Variants in RNF19A observed in about 807,000 individuals in gnomAD.
The protein encoded by RNF19A is E3 ubiquitin-protein ligase RNF19A.
A neutral mutation model predicts 75.7 loss-of-function variants in RNF19A; 32 were observed. The observed-to-expected ratio is 0.42, with a 90% CI of 0.32 to 0.57. RNF19A has a LOEUF of 0.57. Ranked by LOEUF, RNF19A falls within the 20% of genes least tolerant of loss-of-function variation. The pLI is 0.10. For synonymous variants in RNF19A, 335 were observed against 345.2 expected (o/e 0.97, Z 0.33); for missense variants, 782 against 1,036.3 (o/e 0.75, Z 3.37).
At chr8:100,266,052 T>C (rs891124814) in intron 5 of RNF19A, among the ~76,000 whole-genome samples, 2 of 152,260 alleles carry the variant, frequency 1.3e-5, no homozygotes, top group African/African-American at 4.8e-5. Context: ...AGGAGTCTTC[T>C]AGAAAATTTT....
chr8:100,281,317 A>T (rs1328703287), intron 2 of RNF19A, among the ~76,000 whole-genome samples: 1 of 152,176 alleles, frequency 6.6e-6, no homozygotes, highest in African/African-American at 2.4e-5. Context: ...AATGCCAAGT[A>T]AAATTAAAGT....
In RNF19A at chr8:100,269,442, C is replaced by T. The variant is rs1336111446; in HGVS notation, c.1028+427G>A. On this transcript the variant is annotated intron_variant, in intron 4 of 9. Coordinates refer to ENST00000341084, the MANE Select transcript of RNF19A (RefSeq NM_183419.4). The surrounding 1 kb of genome is among the most constrained non-coding windows in gnomAD (Gnocchi z 5.7). ...ACTGAGATTCAGGTTAAAAATTTAT[C>T]CCTAGTCCTCCATTATCCTCAAACC... Among the ~76,000 whole-genome samples, 1 of 151,546 alleles carries T rather than the reference C, an allele frequency of 6.6e-6. No homozygotes were observed. Among genetic ancestry groups the T allele is most frequent in the Non-Finnish European group, 1.5e-5 (1 of 67,870 alleles).
chr8:100,310,561 G>A, upstream of RNF19A, among the ~76,000 whole-genome samples: 1 of 152,230 alleles, frequency 6.6e-6, no homozygotes, highest in Non-Finnish European at 1.5e-5. Flanking sequence ...AGATTGGCAG[G>A]CCGAGGGAGA....
At chr8:100,328,460 T>A (rs1822568129) in intron 1 of RNF19A, among the ~76,000 whole-genome samples, 2 of 152,012 alleles carry the variant, frequency 1.3e-5, no homozygotes, top group Non-Finnish European at 2.9e-5. Flanking sequence ...ATTAATGTTT[T>A]TGTTTTTTGT....
intron 1 of RNF19A, among the ~76,000 whole-genome samples, chr8:100,316,085 C>T (rs1822369764): frequency 6.6e-6 from 1 of 152,048 alleles, no homozygotes; most frequent in Non-Finnish European, 1.5e-5. Context: ...TTCGGAGTTT[C>T]TTCTTTCTGG....
chr8:100,265,637 A>T (rs2132510761), intron 5 of RNF19A, among the ~76,000 whole-genome samples: 1 of 152,304 alleles, frequency 6.6e-6, no homozygotes, highest in Non-Finnish European at 1.5e-5. Context: ...ATGACTTATA[A>T]ACAATACTAC....
At chr8:100,299,072 C>T (rs1463904280) in intron 1 of RNF19A, among the ~76,000 whole-genome samples, 1 of 152,174 alleles carries the variant, frequency 6.6e-6, no homozygotes, top group South Asian at 2.1e-4. Flanking sequence ...GGAAAACAGA[C>T]ACATTTTGCT....
intron 2 of RNF19A, among the ~76,000 whole-genome samples, chr8:100,277,782 A>C (rs1220494911): frequency 7.0e-6 from 1 of 142,620 alleles, no homozygotes; most frequent in Non-Finnish European, 1.5e-5. Flanking sequence ...TAAAGAAAAA[A>C]GACCCTATTT....
Position 100,294,675 on chromosome 8 carries a change from T to G in RNF19A, c.-93-6408A>C, listed in dbSNP as rs571766268. Among the ~76,000 whole-genome samples the G allele has an allele frequency of 7.9e-5, 12 of 152,230 alleles. No individual in the cohort carries two copies. The South Asian group carries it at 2.3e-3, about 29-fold the overall frequency. The stretch of plus-strand genomic sequence containing the variant: ...ATAGACTTTTCTTTAGGGGGAAAGA[T>G]GTATAAATTTTTTAAGGAAAACATC... On this transcript the variant is annotated intron_variant, in intron 1 of 9. Transcript: ENST00000341084.
chr8:100,326,911 T>C (rs1563876370), intron 1 of RNF19A, among the ~76,000 whole-genome samples: 1 of 152,236 alleles, frequency 6.6e-6, no homozygotes, highest in East Asian at 1.9e-4. Context: ...TATACTTCTT[T>C]TCCTTTTGAA....
At chr8:100,304,497 C>G (rs368674411) in intron 1 of RNF19A, among the ~76,000 whole-genome samples, 1 of 152,198 alleles carries the variant, frequency 6.6e-6, no homozygotes, top group African/African-American at 2.4e-5. Context: ...TTCCCACCCC[C>G]ACTTACGCAC....
upstream of RNF19A, among the ~76,000 whole-genome samples, chr8:100,312,760 T>TA (rs889278188): frequency 6.6e-6 from 1 of 151,676 alleles, no homozygotes; most frequent in African/African-American, 2.4e-5. Context: ...CTCATCTCTA[T>TA]AAAAAATACA....
At chr8:100,328,729 C>T (rs565321520) in intron 1 of RNF19A, among the ~76,000 whole-genome samples, 229 of 152,294 alleles carry the variant, frequency 1.5e-3, no homozygotes, top group Middle Eastern at 3.4e-3. Flanking sequence ...ATCAGCCTCC[C>T]AAAGTGCTGG....
Position 100,269,781 on chromosome 8 carries a change from T to C in RNF19A, c.1028+88A>G, listed in dbSNP as rs1820165145. 1 of 974,618 alleles carries C rather than the reference T, an allele frequency of 1.0e-6. No homozygotes were observed. The highest frequency in any genetic ancestry group is 2.9e-5 in the South Asian group (1 of 34,520). The allele number at this position is 974,618 out of a possible 1,614,324, so 60.4% of individuals were successfully genotyped here. ...AGAATAAAACCAATCCCTTTAAGTATCTTATAAAACCCAAATTTAAGACAA... is the reference window on the plus strand; with the variant it reads ...AGAATAAAACCAATCCCTTTAAGTACCTTATAAAACCCAAATTTAAGACAA... On this transcript the variant is annotated intron_variant, in intron 4 of 9. Transcript: ENST00000341084. The surrounding 1 kb of genome is among the most constrained non-coding windows in gnomAD (Gnocchi z 5.7).
chr8:100,263,562 A>G (rs1819826373), intron 7 of RNF19A, among the ~76,000 whole-genome samples: 1 of 152,222 alleles, frequency 6.6e-6, no homozygotes, highest in African/African-American at 2.4e-5. Flanking sequence ...TAGAATATAG[A>G]ACATGCACTT....
At chr8:100,272,094 G>A (rs10094622) in intron 3 of RNF19A, among the ~76,000 whole-genome samples, 8,857 of 152,188 alleles carry the variant, frequency 0.058, 862 homozygotes, top group African/African-American at 0.2. Flanking sequence ...GTAGCGGTAA[G>A]GGGACAGAGG....
chr8:100,298,034 T>C (rs944718452), intron 1 of RNF19A, among the ~76,000 whole-genome samples: 1 of 152,134 alleles, frequency 6.6e-6, no homozygotes, highest in Non-Finnish European at 1.5e-5. Context: ...AATTATAAAA[T>C]GTGAATTACA....
rs1819882933 is a variant in RNF19A, at chr8:100,264,609, C to T, written c.1306+62G>A. 2.8e-6 allele frequency: 3 copies of T among 1,088,788 alleles called. No individual in the cohort carries two copies. In the East Asian group the frequency reaches 7.2e-5, roughly 26 times the overall value. The allele number at this position is 1,088,788 out of a possible 1,614,324, so 67.4% of individuals were successfully genotyped here. A position where few individuals can be genotyped will look rare whatever the true frequency, so the allele number is the denominator to read the frequency against. On this transcript the variant is annotated intron_variant, in intron 6 of 9. Coordinates refer to ENST00000341084, the MANE Select transcript of RNF19A (RefSeq NM_183419.4). The surrounding 1 kb of genome is among the most constrained non-coding windows in gnomAD (Gnocchi z 4.7). ...AATTAAAAAACAATTAAAAAAAATC[C>T]TTCCACAAAACTTTAACTCCATAAA...
rs1819560199 is a variant in RNF19A, at chr8:100,258,610, GTTAT to G, written c.2459_2462del (p.Asn820ThrfsTer10). 6.2e-7 allele frequency: 1 copy of G among 1,613,784 alleles called. No individual in the cohort carries two copies. Among genetic ancestry groups the G allele is most frequent in the Admixed American group, 1.7e-5 (1 of 59,972 alleles). ...ATTCCATTGTCTGATGTGAGTGGTT[GTTAT>G]TTGTTTCTTTTAGTGCATCGCCAAA... On this transcript the variant is annotated frameshift_variant, in exon 10 of 10. Transcript: ENST00000341084. LOFTEE classifies it high-confidence loss of function. This position sits in a 1 kb window ranked among gnomAD's most constrained non-coding sequence, Gnocchi z 4.3.
Sources: gnomAD v4.1 joint callset for allele counts (sites outside exome capture counted in the v4.1 genomes callset) on GRCh38, gnomAD v4.1.1 for gene constraint, Gnocchi (gnomAD v3.1) non-coding constraint, MANE v1.5 for transcripts, NCBI Gene and HGNC (gene_info 2026-07-23, HGNC 2026-07-21) for gene names.